The following NLGN4Y variants were observed in gnomAD, a reference collection of about 807,000 sequenced individuals.
NLGN4Y encodes the protein neuroligin-4, Y-linked.
NLGN4Y carries 4 observed loss-of-function variants against 8.4 expected under a neutral mutation model. The ratio of observed to expected loss-of-function variants is 0.48; its 90% confidence interval spans 0.23 to 1.09. The LOEUF (loss-of-function observed/expected upper bound fraction) is 1.09, where lower values mean the gene tolerates loss of function less well. Ranked by LOEUF, NLGN4Y falls within the 50% of genes least tolerant of loss-of-function variation. The pLI is 0.19. For missense variants in NLGN4Y, 90 were observed against 192.3 expected (o/e 0.47, Z 3.15); for synonymous variants, 35 against 75.6 (o/e 0.46, Z 2.78).
At chrY:14,583,732 G>A in intron 1 of NLGN4Y, among the ~76,000 whole-genome samples, 1 of 33,728 alleles carries the variant, frequency 3.0e-5, no homozygotes, top group Non-Finnish European at 7.3e-5. Context: ...TTTTCTCTGT[G>A]TTTGTGAATG....
intron 2 of NLGN4Y, among the ~76,000 whole-genome samples, chrY:14,663,843 G>A (rs774637395): frequency 3.0e-5 from 1 of 32,820 alleles, no homozygotes; most frequent in South Asian, 7.2e-4. Flanking sequence ...TATTTTAAAT[G>A]TTTTGGGGTT....
chrY:14,553,773 C>T (rs2080202901), intron 1 of NLGN4Y, among the ~76,000 whole-genome samples: 1 of 30,462 alleles, frequency 3.3e-5, no homozygotes, highest in African/African-American at 1.3e-4. Flanking sequence ...CAAAATTACA[C>T]GAGTAACACT....
intron 4 of NLGN4Y, among the ~76,000 whole-genome samples, chrY:14,792,631 GA>G (rs758021780): frequency 3.8e-5 from 1 of 26,323 alleles, no homozygotes; most frequent in African/African-American, 1.5e-4. Flanking sequence ...TCTACAAAAA[GA>G]AAAAAAAATT....
chrY:14,546,388 A>G, intron 1 of NLGN4Y, among the ~76,000 whole-genome samples: 1 of 32,884 alleles, frequency 3.0e-5, no homozygotes, highest in African/African-American at 1.2e-4. Context: ...TTTTCACGAT[A>G]TTGATTCTTC....
intron 4 of NLGN4Y, among the ~76,000 whole-genome samples, chrY:14,781,126 A>T (rs1030963992): frequency 1.8e-4 from 6 of 33,939 alleles, no homozygotes; most frequent in Admixed American, 1.6e-3. Flanking sequence ...CCTAGACTGT[A>T]AGAAAGTTCT....
chrY:14,729,871 G>A (rs969461032), intron 4 of NLGN4Y, among the ~76,000 whole-genome samples: 1 of 33,052 alleles, frequency 3.0e-5, no homozygotes, highest in African/African-American at 1.2e-4. Flanking sequence ...AATTTTATAC[G>A]TATCCAGTTT....
chrY:14,832,677 G>A, intron 6 of NLGN4Y, among the ~76,000 whole-genome samples: 1 of 33,096 alleles, frequency 3.0e-5, no homozygotes, highest in Admixed American at 2.7e-4. Context: ...CCCACAAGCC[G>A]CAAAAACCAG....
At chrY:14,804,037 T>C (rs2043048397) in intron 4 of NLGN4Y, 1 of 33,781 alleles carries the variant, frequency 3.0e-5, no homozygotes, top group African/African-American at 1.2e-4. Context: ...CCTGGATGAC[T>C]GCAGTGGACT....
intron 2 of NLGN4Y, among the ~76,000 whole-genome samples, chrY:14,706,690 C>T (rs774294273): frequency 3.4e-5 from 1 of 29,172 alleles, no homozygotes; most frequent in African/African-American, 1.3e-4. Context: ...GAAACAGTCT[C>T]GTGTTTCTTG....
intron 4 of NLGN4Y, among the ~76,000 whole-genome samples, chrY:14,735,479 C>G (rs2080988809): frequency 2.9e-5 from 1 of 33,932 alleles, no homozygotes; most frequent in African/African-American, 1.1e-4. Flanking sequence ...TTGCAAGTTC[C>G]CTGAGGACTC....
At chrY:14,733,400 C>A in intron 4 of NLGN4Y, 1 of 214,510 alleles carries the variant, frequency 4.7e-6, no homozygotes, top group Non-Finnish European at 7.6e-6. Context: ...CATGGGTTCA[C>A]AAAGAAACAT....
At chrY:14,586,209 T>C in intron 1 of NLGN4Y, among the ~76,000 whole-genome samples, 1 of 33,435 alleles carries the variant, frequency 3.0e-5, no homozygotes, top group African/African-American at 1.2e-4. Context: ...GGAAAGGTGG[T>C]GTTTAGTAAC....
chrY:14,727,364 C>G, intron 4 of NLGN4Y, among the ~76,000 whole-genome samples: 1 of 32,917 alleles, frequency 3.0e-5, no homozygotes, highest in South Asian at 7.0e-4. Flanking sequence ...GACAGCAACA[C>G]TAACTAGGCA....
Position 14,729,117 on chromosome Y carries a change from T to G in NLGN4Y, c.685+5848T>G. Among the ~76,000 whole-genome samples, 4 of 33,648 alleles carry G rather than the reference T, an allele frequency of 1.2e-4. No homozygotes were observed. The South Asian group carries it at 2.6e-3, about 22-fold the overall frequency. The allele number at this position is 33,648 out of a possible 37,273, so 90.3% of individuals were successfully genotyped here. A position where few individuals can be genotyped will look rare whatever the true frequency, so the allele number is the denominator to read the frequency against. On this transcript the variant is annotated intron_variant, in intron 4 of 6. Coordinates refer to ENST00000684976, the MANE Select transcript of NLGN4Y (RefSeq NM_001365588.1). ...TCACATATTCTTATATTTCTTGGAA[T>G]TGAAATCATACTCTCTATATCTCAT... is the stretch of plus-strand genomic sequence containing the variant.
upstream of NLGN4Y, chrY:14,523,650 G>A: frequency 9.0e-6 from 1 of 110,911 alleles, no homozygotes; most frequent in South Asian, 4.0e-5. Flanking sequence ...ACCACTGCCT[G>A]GGGTGCTTCT....
chrY:14,683,893 C>G (rs979001704), intron 2 of NLGN4Y, among the ~76,000 whole-genome samples: 1 of 33,728 alleles, frequency 3.0e-5, no homozygotes, highest in Admixed American at 2.7e-4. Context: ...TTTGATAGGA[C>G]TAACATAGGA....
chrY:14,669,833 C>A, intron 2 of NLGN4Y, among the ~76,000 whole-genome samples: 1 of 34,014 alleles, frequency 2.9e-5, no homozygotes. Flanking sequence ...CTGATGCTTT[C>A]CAGTATGGAA....
intron 1 of NLGN4Y, among the ~76,000 whole-genome samples, chrY:14,532,484 A>G: frequency 3.0e-5 from 1 of 33,449 alleles, no homozygotes; most frequent in Non-Finnish European, 7.4e-5. Flanking sequence ...GGTCTTATAT[A>G]GAGCTAGCTC....
intron 4 of NLGN4Y, among the ~76,000 whole-genome samples, chrY:14,735,773 T>C: frequency 3.0e-5 from 1 of 33,429 alleles, no homozygotes; most frequent in Non-Finnish European, 7.4e-5. Context: ...CTAATAGTGA[T>C]ACGGACCATG....
Sources: gnomAD v4.1 joint callset for allele counts (sites outside exome capture counted in the v4.1 genomes callset) on GRCh38, gnomAD v4.1.1 for gene constraint, MANE v1.5 for transcripts, NCBI Gene and HGNC (gene_info 2026-07-23, HGNC 2026-07-21) for gene names.